SLC35F1: variants seen among roughly 807,000 people sequenced by gnomAD.
The protein encoded by SLC35F1 is chromosome 6 open reading frame 169.
In SLC35F1, 14 loss-of-function variants were observed where a neutral mutation model predicts 48.7. The observed-to-expected ratio is 0.29, with a 90% CI of 0.19 to 0.45. The LOEUF is 0.45. Among genes scored for constraint, SLC35F1 ranks in the 20% least tolerant of loss-of-function variants. SLC35F1 has a pLI of 1.00. For synonymous variants in SLC35F1, 190 were observed against 202.2 expected (o/e 0.94, Z 0.51); for missense variants, 404 against 500.0 (o/e 0.81, Z 1.83).
At chr6:118,028,360 A>G (rs1260945478) in intron 1 of SLC35F1, among the ~76,000 whole-genome samples, 1 of 152,090 alleles carries the variant, frequency 6.6e-6, no homozygotes, top group Non-Finnish European at 1.5e-5. Context: ...GGATCTAGTA[A>G]GATCAATGAA....
At chr6:117,948,723 T>C (rs746279179) in intron 1 of SLC35F1, among the ~76,000 whole-genome samples, 22 of 152,234 alleles carry the variant, frequency 1.4e-4, no homozygotes, top group Non-Finnish European at 2.2e-4. Context: ...AATTATAATA[T>C]AGGCTGATGT....
chr6:118,291,242 T>TACACACACACACAC (rs10603708), intron 7 of SLC35F1, among the ~76,000 whole-genome samples: 1 of 148,598 alleles, frequency 6.7e-6, no homozygotes, highest in Non-Finnish European at 1.5e-5. Flanking sequence ...GTATCATGTA[T>TACACACACACACAC]ACACACACAC....
chr6:118,291,979 A>G (rs571089287), intron 7 of SLC35F1, among the ~76,000 whole-genome samples: 5 of 152,212 alleles, frequency 3.3e-5, no homozygotes, highest in East Asian at 3.9e-4. Context: ...TTAGCTGGGC[A>G]TGGTGGCAGG....
chr6:118,124,960 C>T (rs1650361839), intron 1 of SLC35F1, among the ~76,000 whole-genome samples: 1 of 152,098 alleles, frequency 6.6e-6, no homozygotes, highest in South Asian at 2.1e-4. Context: ...TATAATGATG[C>T]AAAACTCAAT....
chr6:118,034,986 A>C (rs1772105647), intron 1 of SLC35F1, among the ~76,000 whole-genome samples: 1 of 152,140 alleles, frequency 6.6e-6, no homozygotes, highest in Non-Finnish European at 1.5e-5. Flanking sequence ...TCTTTGTTAG[A>C]ATTTACTGGC....
intron 1 of SLC35F1, among the ~76,000 whole-genome samples, chr6:118,009,647 A>G (rs1777219629): frequency 6.6e-6 from 1 of 152,166 alleles, no homozygotes; most frequent in Non-Finnish European, 1.5e-5. Flanking sequence ...TCTTTTGACT[A>G]CAACTCTGTA....
intron 2 of SLC35F1, among the ~76,000 whole-genome samples, chr6:118,201,394 TTTC>T (rs1164870600): frequency 6.6e-6 from 1 of 152,202 alleles, no homozygotes; most frequent in Non-Finnish European, 1.5e-5. Flanking sequence ...CGTAATCAGA[TTTC>T]TTCAACAGAT....
At chr6:118,252,168 A>G (rs1375510039) in intron 3 of SLC35F1, among the ~76,000 whole-genome samples, 1 of 152,116 alleles carries the variant, frequency 6.6e-6, no homozygotes, top group Non-Finnish European at 1.5e-5. Flanking sequence ...GATGTGATCT[A>G]ATTTGTATTT....
At position 118,196,162 on chromosome 6, in the gene SLC35F1, TATTTGAACACA is replaced by T. The variant is rs542050713; in HGVS notation, c.350-39346_350-39336del. ...ATTAGTTACAGGTTGGCATTTGCCTTATTTGAACACAGTTTGAACACTCAGCAGTGAGTGAG... is the reference window on the plus strand; with the variant it reads ...ATTAGTTACAGGTTGGCATTTGCCTTGTTTGAACACTCAGCAGTGAGTGAG... On this transcript the variant is annotated intron_variant, in intron 2 of 7. Coordinates refer to ENST00000360388, the MANE Select transcript of SLC35F1 (RefSeq NM_001029858.4). Among the ~76,000 whole-genome samples, 562 of 152,298 alleles carry T rather than the reference TATTTGAACACA, an allele frequency of 3.7e-3. 3 individuals carry two copies. The highest frequency in any genetic ancestry group is 0.013 in the African/African-American group (535 of 41,574).
intron 3 of SLC35F1, among the ~76,000 whole-genome samples, chr6:118,238,426 AAATAATAATAAT>A (rs67710305): frequency 4.8e-5 from 7 of 144,484 alleles, no homozygotes; most frequent in African/African-American, 1.5e-4. Context: ...CCCATCTCTA[AAATAATAATAAT>A]AATAATAATA....
At chr6:118,189,904 G>T (rs1320324562) in intron 2 of SLC35F1, among the ~76,000 whole-genome samples, 1 of 152,192 alleles carries the variant, frequency 6.6e-6, no homozygotes, top group South Asian at 2.1e-4. Flanking sequence ...TGAACACTTG[G>T]CAGTGTATGA....
intron 3 of SLC35F1, among the ~76,000 whole-genome samples, chr6:118,248,707 A>G (rs990734558): frequency 3.9e-5 from 6 of 152,244 alleles, no homozygotes; most frequent in Admixed American, 2.0e-4. Flanking sequence ...CTCCAGAACT[A>G]TAAGATAAAC....
intron 1 of SLC35F1, among the ~76,000 whole-genome samples, chr6:118,104,504 A>G (rs1178415835): frequency 6.6e-6 from 1 of 152,224 alleles, no homozygotes; most frequent in East Asian, 1.9e-4. Context: ...TTTTCTTTAT[A>G]TACTTAGAGA....
At chr6:118,024,057 G>A (rs994785392) in intron 1 of SLC35F1, among the ~76,000 whole-genome samples, 1 of 152,192 alleles carries the variant, frequency 6.6e-6, no homozygotes, top group African/African-American at 2.4e-5. Flanking sequence ...TAGGCTCACT[G>A]TAGTTACTAT....
Position 117,998,972 on chromosome 6 carries a change from G to A in SLC35F1, c.173+91073G>A, listed in dbSNP as rs954434956. 5 of 1,086,702 alleles carry A rather than the reference G, an allele frequency of 4.6e-6. No homozygotes were observed. In the East Asian group the frequency reaches 1.2e-4, roughly 26 times the overall value. 67.3% of individuals were successfully genotyped at this position (1,086,702 alleles called of 1,614,324 possible). A position where few individuals can be genotyped will look rare whatever the true frequency, so the allele number is the denominator to read the frequency against. ...TTCGGGAGCCGCGGCTTATGGTGCAGACATGGCCAAGTCCAAGAACCACAC... is the reference window on the plus strand; with the variant it reads ...TTCGGGAGCCGCGGCTTATGGTGCAAACATGGCCAAGTCCAAGAACCACAC... On this transcript the variant is annotated intron_variant, in intron 1 of 7. Transcript: ENST00000360388.
intron 1 of SLC35F1, among the ~76,000 whole-genome samples, chr6:117,943,627 G>C (rs1776260024): frequency 6.6e-6 from 1 of 152,158 alleles, no homozygotes; most frequent in Admixed American, 6.5e-5. Flanking sequence ...CTTGCTAAAA[G>C]AGTTGGCTCT....
chr6:118,037,549 C>T (rs1392837992), intron 1 of SLC35F1, among the ~76,000 whole-genome samples: 6 of 151,964 alleles, frequency 3.9e-5, no homozygotes. Flanking sequence ...TTACCATTCT[C>T]CTATAAAGAC....
At chr6:118,182,641 G>A (rs1028012988) in intron 2 of SLC35F1, among the ~76,000 whole-genome samples, 2 of 152,070 alleles carry the variant, frequency 1.3e-5, no homozygotes, top group Admixed American at 1.3e-4. Flanking sequence ...TGAGGTGGGA[G>A]GAGGATTGCA....
chr6:118,133,418 A>G (rs1773746200), intron 1 of SLC35F1, among the ~76,000 whole-genome samples: 1 of 152,202 alleles, frequency 6.6e-6, no homozygotes, highest in East Asian at 1.9e-4. Flanking sequence ...CACTAACACT[A>G]GTTTTTAGAT....
Sources: allele counts gnomAD v4.1 joint callset (sites outside exome capture counted in the v4.1 genomes callset), GRCh38; gene constraint gnomAD v4.1.1; transcripts MANE v1.5; gene names NCBI Gene and HGNC (gene_info 2026-07-23, HGNC 2026-07-21).